EPB41L3: variants seen among roughly 807,000 people sequenced by gnomAD.
EPB41L3 encodes the protein erythrocyte membrane protein band 4.1 like 3.
EPB41L3 carries 57 observed loss-of-function variants against 127.1 expected under a neutral mutation model. The ratio of observed to expected loss-of-function variants is 0.45; its 90% CI spans 0.36 to 0.56. The LOEUF is 0.56. EPB41L3 is among the 20% of genes least tolerant of loss of function. The probability of loss-of-function intolerance (pLI) is 0.00; values close to 1 mark genes in which losing one functional copy is unlikely to be tolerated. For missense variants in EPB41L3, 1,273 were observed against 1,372.2 expected (o/e 0.93, Z 1.14); for synonymous variants, 572 against 549.5 (o/e 1.04, Z -0.57).
At chr18:5,604,953 G>C (rs953355856) in intron 3 of EPB41L3, among the ~76,000 whole-genome samples, 1 of 152,102 alleles carries the variant, frequency 6.6e-6, no homozygotes, top group Non-Finnish European at 1.5e-5. Context: ...TCCTCTAGCT[G>C]CTAAAAGTGC....
intron 1 of EPB41L3, among the ~76,000 whole-genome samples, chr18:5,491,565 A>G (rs1229227766): frequency 6.6e-6 from 1 of 152,196 alleles, no homozygotes; most frequent in Non-Finnish European, 1.5e-5. Context: ...CTAAAGAATA[A>G]AATAATGTAC....
At position 5,489,186 on chromosome 18, in the gene EPB41L3, T is replaced by G; in HGVS notation, c.-3A>C. The G allele has an allele frequency of 1.3e-6, 2 of 1,590,312 alleles. No individual in the cohort carries two copies. The highest frequency in any genetic ancestry group is 1.7e-6 in the Non-Finnish European group (2 of 1,173,188). On this transcript the variant is annotated 5_prime_UTR_variant, in exon 2 of 23. Coordinates refer to ENST00000341928, the MANE Select transcript of EPB41L3 (RefSeq NM_012307.5). ...TCTGATCCAGATTCGGTCGTCATGGTTGATTGTTCTGCAAGCAGAAAAAAG... is the reference window on the plus strand; with the variant it reads ...TCTGATCCAGATTCGGTCGTCATGGGTGATTGTTCTGCAAGCAGAAAAAAG...
chr18:5,591,776 A>G (rs906270941), intron 3 of EPB41L3, among the ~76,000 whole-genome samples: 1 of 152,256 alleles, frequency 6.6e-6, no homozygotes, highest in Non-Finnish European at 1.5e-5. Flanking sequence ...GTCAAGAGTA[A>G]AAGTAAAGTG....
intron 3 of EPB41L3, among the ~76,000 whole-genome samples, chr18:5,473,955 GGT>G (rs1261602807): frequency 1.3e-5 from 2 of 152,154 alleles, no homozygotes; most frequent in Non-Finnish European, 2.9e-5. Context: ...CTCTCAGCCG[GGT>G]GTGGTGGCTC....
chr18:5,443,362 T>C (rs1598998166), intron 5 of EPB41L3, among the ~76,000 whole-genome samples: 2 of 152,218 alleles, frequency 1.3e-5, no homozygotes, highest in Non-Finnish European at 2.9e-5. Context: ...TATTTTAAAT[T>C]TGTGACTTGC....
chr18:5,500,401 A>C (rs1161788754), intron 1 of EPB41L3, among the ~76,000 whole-genome samples: 1 of 151,850 alleles, frequency 6.6e-6, no homozygotes, highest in Non-Finnish European at 1.5e-5. Context: ...ACAGAGTCAG[A>C]CTCTTTGTAC....
chr18:5,512,893 CCTAG>C (rs1324882434), intron 1 of EPB41L3, among the ~76,000 whole-genome samples: 1 of 152,168 alleles, frequency 6.6e-6, no homozygotes, highest in Non-Finnish European at 1.5e-5. Flanking sequence ...CAACAGCCTA[CCTAG>C]CTAAGCCCTG....
intron 16 of EPB41L3, chr18:5,398,531 T>A (rs769701326): frequency 7.4e-6 from 3 of 404,066 alleles, no homozygotes; most frequent in African/African-American, 6.2e-5. Flanking sequence ...CTGGGTTGGC[T>A]GCTCTCAACA....
intron 8 of EPB41L3, among the ~76,000 whole-genome samples, chr18:5,432,640 T>C (rs2079153816): frequency 6.6e-6 from 1 of 152,198 alleles, no homozygotes; most frequent in African/African-American, 2.4e-5. Flanking sequence ...CCTATCTTCA[T>C]TCTACCACTA....
intron 13 of EPB41L3, 114 bp from the exon 14 acceptor site, chr18:5,410,733 T>C: frequency 2.6e-6 from 2 of 776,438 alleles, no homozygotes; most frequent in Non-Finnish European, 2.2e-6. Context: ...TCTCTGTGAT[T>C]TCTCTGTGTC....
chr18:5,459,335 A>T (rs1430958070), intron 3 of EPB41L3, among the ~76,000 whole-genome samples: 1 of 151,984 alleles, frequency 6.6e-6, no homozygotes, highest in African/African-American at 2.4e-5. Context: ...GATCCCATTC[A>T]TTGGCTTCTA....
chr18:5,430,649 A>C (rs1598840240), intron 8 of EPB41L3, among the ~76,000 whole-genome samples: 1 of 145,164 alleles, frequency 6.9e-6, no homozygotes, highest in African/African-American at 2.6e-5. Flanking sequence ...TGCACCCTCC[A>C]CCTCCAGGGG....
intron 1 of EPB41L3, among the ~76,000 whole-genome samples, chr18:5,492,018 C>T (rs563288592): frequency 3.9e-5 from 6 of 152,216 alleles, no homozygotes; most frequent in Non-Finnish European, 5.9e-5. Context: ...CTAATATCAA[C>T]ATCTAAATAC....
At chr18:5,398,243 G>T in intron 16 of EPB41L3, 100 bp from the exon 17 acceptor site, 2 of 1,371,046 alleles carry the variant, frequency 1.5e-6, no homozygotes, top group Non-Finnish European at 2.0e-6. Flanking sequence ...AGGCAGAGGA[G>T]ACAGGGAGGA....
chr18:5,628,834 C>T (rs2094954254), intron 1 of EPB41L3: 2 of 151,734 alleles, frequency 1.3e-5, no homozygotes, highest in Non-Finnish European at 2.9e-5. Context: ...CCGAGCCCGC[C>T]GCAGCTCCCG....
At chr18:5,516,133 C>T (rs2092741256) in intron 1 of EPB41L3, among the ~76,000 whole-genome samples, 1 of 152,224 alleles carries the variant, frequency 6.6e-6, no homozygotes, top group Admixed American at 6.5e-5. Flanking sequence ...CCAAGCACCA[C>T]ATCCAGAGCC....
chr18:5,411,714 T>C (rs1215020737), intron 13 of EPB41L3, among the ~76,000 whole-genome samples: 1 of 147,494 alleles, frequency 6.8e-6, no homozygotes, highest in African/African-American at 2.7e-5. Context: ...GTGAATCTGG[T>C]TCTTAAAATA....
chr18:5,477,972 T>A (rs559667051), intron 3 of EPB41L3, among the ~76,000 whole-genome samples: 7 of 152,118 alleles, frequency 4.6e-5, no homozygotes, highest in African/African-American at 1.7e-4. Flanking sequence ...GCTTTCAAAA[T>A]TTTTTTTGTT....
chr18:5,558,247 C>T (rs2094069468), intron 3 of EPB41L3, among the ~76,000 whole-genome samples: 1 of 152,142 alleles, frequency 6.6e-6, no homozygotes, highest in African/African-American at 2.4e-5. Context: ...CACTCTGATA[C>T]ATTTGTTTAA....
Sources: gnomAD v4.1 joint callset for allele counts (sites outside exome capture counted in the v4.1 genomes callset) on GRCh38, gnomAD v4.1.1 for gene constraint, MANE v1.5 for transcripts, NCBI Gene and HGNC (gene_info 2026-07-23, HGNC 2026-07-21) for gene names.